CCDC171: variants seen among roughly 807,000 people sequenced by gnomAD.
CCDC171 encodes the protein coiled-coil domain containing 171.
CCDC171 carries 177 observed loss-of-function variants against 168.2 expected under a neutral mutation model. The ratio of observed to expected loss-of-function variants is 1.05; its 90% CI spans 0.93 to 1.19. The LOEUF (loss-of-function observed/expected upper bound fraction) is 1.19. Among genes scored for constraint, CCDC171 ranks in the 50% most tolerant of loss-of-function variants. The pLI is 0.00. For missense variants in CCDC171, 1,991 were observed against 1,539.0 expected (o/e 1.29, Z -4.91); for synonymous variants, 687 against 540.8 (o/e 1.27, Z -3.75).
At chr9:15,731,461 T>C (rs2054146483) in intron 16 of CCDC171, among the ~76,000 whole-genome samples, 1 of 152,156 alleles carries the variant, frequency 6.6e-6, no homozygotes, top group Non-Finnish European at 1.5e-5. Flanking sequence ...CATTCAATAG[T>C]CTGGTGATTG....
intron 9 of CCDC171, among the ~76,000 whole-genome samples, chr9:15,670,548 AT>A (rs1330374383): frequency 6.6e-6 from 1 of 151,876 alleles, no homozygotes; most frequent in Non-Finnish European, 1.5e-5. Context: ...ATAGTATGCC[AT>A]TTTTTTCAGT....
chr9:15,579,063 A>G, intron 4 of CCDC171, 40 bp downstream of exon 4: 1 of 1,529,656 alleles, frequency 6.5e-7, no homozygotes, highest in Non-Finnish European at 9.0e-7. Context: ...TAGGGTTGTA[A>G]CCTGATTGTA....
At chr9:16,016,727 G>T (rs536648953) in intron 3 of CCDC171, among the ~76,000 whole-genome samples, 1 of 152,276 alleles carries the variant, frequency 6.6e-6, no homozygotes, top group East Asian at 1.9e-4. Flanking sequence ...GAGACATTTG[G>T]ATGCATTGTA....
intron 16 of CCDC171, among the ~76,000 whole-genome samples, chr9:15,741,151 C>T (rs1588231917): frequency 1.3e-5 from 2 of 151,918 alleles, no homozygotes; most frequent in Non-Finnish European, 2.9e-5. Context: ...ATAACATTTA[C>T]CATTTTGATC....
the CCDC171 span, among the ~76,000 whole-genome samples, chr9:16,077,100 G>C: frequency 4.6e-5 from 7 of 152,258 alleles, no homozygotes; most frequent in East Asian, 3.9e-4. Context: ...GGAAATTATC[G>C]TGTATTAGAT....
intron 24 of CCDC171, among the ~76,000 whole-genome samples, chr9:15,877,248 T>C (rs1010815401): frequency 2.0e-5 from 3 of 152,018 alleles, no homozygotes; most frequent in Non-Finnish European, 2.9e-5. Context: ...TGGGATTGAA[T>C]ACAGCAATGG....
At chr9:15,600,040 G>T (rs1360065219) in intron 6 of CCDC171, among the ~76,000 whole-genome samples, 1 of 152,110 alleles carries the variant, frequency 6.6e-6, no homozygotes, top group African/African-American at 2.4e-5. Flanking sequence ...ATTCTAGTTA[G>T]CCATTCGTCT....
intron 21 of CCDC171, 39 bp downstream of exon 21, chr9:15,784,733 T>G: frequency 2.7e-6 from 4 of 1,456,216 alleles, no homozygotes; most frequent in Non-Finnish European, 3.8e-6. Flanking sequence ...AGGGATATTT[T>G]ATCTATGTGT....
At chr9:15,606,462 T>C (rs2043234675) in intron 6 of CCDC171, among the ~76,000 whole-genome samples, 1 of 152,196 alleles carries the variant, frequency 6.6e-6, no homozygotes, top group Non-Finnish European at 1.5e-5. Context: ...AAACACTTTG[T>C]AATTGTAGAA....
chr9:15,666,068 A>C (rs1253615362), intron 8 of CCDC171, 95 bp from the exon 9 acceptor site: 3 of 1,063,018 alleles, frequency 2.8e-6, no homozygotes, highest in Non-Finnish European at 4.1e-6. Flanking sequence ...TGCTTGGATG[A>C]ATGATAATCT....
intron 24 of CCDC171, among the ~76,000 whole-genome samples, chr9:15,907,785 C>T (rs1259392615): frequency 6.6e-6 from 1 of 152,194 alleles, no homozygotes; most frequent in Admixed American, 6.6e-5. Flanking sequence ...TATCCAGAAT[C>T]TACCATGAAC....
At chr9:15,572,551 G>A (rs1587051072) in intron 3 of CCDC171, among the ~76,000 whole-genome samples, 4 of 152,178 alleles carry the variant, frequency 2.6e-5, no homozygotes, top group African/African-American at 9.7e-5. Flanking sequence ...GAAAGTGCTT[G>A]TGTACTGTAA....
chr9:16,003,123 T>C (rs1404000316), intron 3 of CCDC171, among the ~76,000 whole-genome samples: 1 of 152,218 alleles, frequency 6.6e-6, no homozygotes, highest in African/African-American at 2.4e-5. Flanking sequence ...CTGTTAGTGA[T>C]TGTAAAAAAG....
intron 7 of CCDC171, among the ~76,000 whole-genome samples, chr9:15,631,624 T>A (rs537598504): frequency 4.6e-5 from 7 of 152,202 alleles, no homozygotes; most frequent in Non-Finnish European, 8.8e-5. Flanking sequence ...CTTCTGAAAC[T>A]ATTCCAGTCA....
intron 6 of CCDC171, among the ~76,000 whole-genome samples, chr9:15,603,717 G>T (rs1164608642): frequency 6.6e-6 from 1 of 151,362 alleles, no homozygotes; most frequent in African/African-American, 2.4e-5. Flanking sequence ...GAGCATACAT[G>T]TGCATGTGTC....
At chr9:15,711,335 C>A (rs747675768) in intron 11 of CCDC171, among the ~76,000 whole-genome samples, 4 of 152,028 alleles carry the variant, frequency 2.6e-5, no homozygotes, top group Non-Finnish European at 5.9e-5. Flanking sequence ...TTGTACACTT[C>A]TTTTTTGAGT....
chr9:15,641,608 A>G (rs1174184467), intron 7 of CCDC171, among the ~76,000 whole-genome samples: 2 of 152,156 alleles, frequency 1.3e-5, no homozygotes, highest in African/African-American at 4.8e-5. Flanking sequence ...TAATAAAGTA[A>G]CATGTATCAA....
chr9:15,879,216 C>T (rs1282865884), intron 24 of CCDC171, among the ~76,000 whole-genome samples: 1 of 152,140 alleles, frequency 6.6e-6, no homozygotes, highest in Admixed American at 6.5e-5. Flanking sequence ...GCCATAAATA[C>T]AAACTCACAT....
intron 23 of CCDC171, 74 bp from the exon 24 acceptor site, chr9:15,874,458 T>C: frequency 5.1e-6 from 7 of 1,365,722 alleles, no homozygotes; most frequent in Non-Finnish European, 6.9e-6. Context: ...CTCAGTGGGC[T>C]CAAGGGGACC....
Sources: allele counts gnomAD v4.1 joint callset (sites outside exome capture counted in the v4.1 genomes callset), GRCh38; gene constraint gnomAD v4.1.1; transcripts MANE v1.5; gene names NCBI Gene and HGNC (gene_info 2026-07-23, HGNC 2026-07-21).